ROR2: variants seen among roughly 807,000 people sequenced by gnomAD.
The protein encoded by ROR2 is ROR family WNT receptor 2.
ROR2 carries 33 observed loss-of-function variants against 74.9 expected under a neutral mutation model. The observed-to-expected ratio is 0.44, with a 90% CI of 0.33 to 0.59. The LOEUF (loss-of-function observed/expected upper bound fraction) is 0.59. ROR2 is among the 20% of genes least tolerant of loss of function. The probability of loss-of-function intolerance (pLI) is 0.02; values close to 1 mark genes in which losing one functional copy is unlikely to be tolerated. For missense variants in ROR2, 1,216 were observed against 1,313.8 expected, an observed-to-expected ratio of 0.93 and a Z score of 1.15; for synonymous variants, 586 against 558.7, an observed-to-expected ratio of 1.05 and a Z score of -0.69.
intron 1 of ROR2, among the ~76,000 whole-genome samples, chr9:91,864,402 G>A (rs933486917): frequency 5.9e-5 from 9 of 152,260 alleles, no homozygotes; most frequent in Non-Finnish European, 7.4e-5. Flanking sequence ...CCAGGAACAC[G>A]AGCCATGGAC....
chr9:91,936,358 T>C (rs1307459086), intron 1 of ROR2, among the ~76,000 whole-genome samples: 1 of 152,176 alleles, frequency 6.6e-6, no homozygotes, highest in Non-Finnish European at 1.5e-5. Flanking sequence ...CGGCTGTCCA[T>C]AAGCCGAGTG....
In ROR2 at chr9:91,735,606, C is replaced by CTT. The variant is rs35146225; in HGVS notation, c.622+1783_622+1784dup. Reference sequence around the variant, plus strand: ...GCACGGTTCCTACTAAGGGCTCTAACTTTTTTTTTTTTTTTTTTTTTTTTT... The same window carrying CTT: ...GCACGGTTCCTACTAAGGGCTCTAACTTTTTTTTTTTTTTTTTTTTTTTTTTT... On this transcript the variant is annotated intron_variant, in intron 5 of 8. Coordinates refer to ENST00000375708, the MANE Select transcript of ROR2 (RefSeq NM_004560.4). Among the ~76,000 whole-genome samples, 75 of 79,004 alleles carry CTT rather than the reference C, an allele frequency of 9.5e-4. 7 individuals are homozygous for CTT. Among genetic ancestry groups the CTT allele is most frequent in the East Asian group, 4.0e-3 (8 of 2,002 alleles). The allele number at this position is 79,004 out of a possible 152,430, so 51.8% of individuals were successfully genotyped here. A position where few individuals can be genotyped will look rare whatever the true frequency, so the allele number is the denominator to read the frequency against.
chr9:91,836,074 T>C (rs563420062), intron 1 of ROR2, among the ~76,000 whole-genome samples: 13 of 152,314 alleles, frequency 8.5e-5, no homozygotes, highest in African/African-American at 2.9e-4. Context: ...TGGTTTCACC[T>C]ATTTTAAAAA....
intron 1 of ROR2, among the ~76,000 whole-genome samples, chr9:91,944,093 A>T (rs1831949734): frequency 6.6e-6 from 1 of 152,208 alleles, no homozygotes; most frequent in Admixed American, 6.5e-5. Flanking sequence ...CAATTTCATC[A>T]TCATATGAAC....
chr9:91,792,402 G>A (rs993725989), intron 1 of ROR2, among the ~76,000 whole-genome samples: 12 of 151,230 alleles, frequency 7.9e-5, no homozygotes, highest in East Asian at 1.9e-4. Flanking sequence ...CCCGCCTCCC[G>A]GGTTCACACC....
At chr9:91,789,079 G>A (rs1287879541) in intron 1 of ROR2, among the ~76,000 whole-genome samples, 2 of 152,188 alleles carry the variant, frequency 1.3e-5, no homozygotes, top group East Asian at 1.9e-4. Flanking sequence ...TATACTTCAC[G>A]ATAGCTAGAA....
intron 1 of ROR2, among the ~76,000 whole-genome samples, chr9:91,873,351 GCTGAGGCGGGTGGATCAC>G (rs1332517543): frequency 6.6e-6 from 1 of 152,192 alleles, no homozygotes; most frequent in Non-Finnish European, 1.5e-5. Flanking sequence ...ACTTTGGGAG[GCTGAGGCGGGTGGATCAC>G]CTGAGGTCAG....
intron 1 of ROR2, among the ~76,000 whole-genome samples, chr9:91,858,493 C>T (rs556487566): frequency 6.6e-6 from 1 of 152,320 alleles, no homozygotes; most frequent in South Asian, 2.1e-4. Context: ...GCTGCAGCCC[C>T]AAGGAAGTCC....
At chr9:91,806,165 G>A (rs1170654371) in intron 1 of ROR2, among the ~76,000 whole-genome samples, 4 of 152,214 alleles carry the variant, frequency 2.6e-5, no homozygotes, top group African/African-American at 7.2e-5. Context: ...CAGTGCACCT[G>A]AGCCACTCTA....
In ROR2 at chr9:91,901,257, G is replaced by A. The variant is rs557528077; in HGVS notation, c.97+48610C>T. ...AGTATAAGTTAGACTATCTCCAACT[G>A]TACCCATGGGAAATGCAAATCTGCA... is the stretch of plus-strand genomic sequence containing the variant. On this transcript the variant is annotated intron_variant, in intron 1 of 8. Coordinates refer to ENST00000375708, the MANE Select transcript of ROR2 (RefSeq NM_004560.4). Among the ~76,000 whole-genome samples the A allele has an allele frequency of 2.0e-5, 3 of 152,282 alleles. No individual in the cohort carries two copies. In the South Asian group the frequency reaches 6.2e-4, roughly 32 times the overall value.
At chr9:91,761,361 A>G (rs1220820689) in intron 2 of ROR2, among the ~76,000 whole-genome samples, 1 of 152,102 alleles carries the variant, frequency 6.6e-6, no homozygotes, top group Non-Finnish European at 1.5e-5. Flanking sequence ...TATACAACTC[A>G]CCATAATGTG....
rs1211940137 is a variant in ROR2, at chr9:91,733,825, G to A, written c.623-389C>T. 5.9e-5 allele frequency among the ~76,000 whole-genome samples: 9 copies of A among 152,292 alleles called. No individual in the cohort carries two copies. Among genetic ancestry groups the A allele is most frequent in the Admixed American group, 2.6e-4 (4 of 15,302 alleles). ...TAAGGACCCGCCATGTGTGGAGAGC[G>A]CAGGCCAAGAAGTGCAGTACCGAGC... is the stretch of plus-strand genomic sequence containing the variant. On this transcript the variant is annotated intron_variant, in intron 5 of 8. Transcript: ENST00000375708. This position sits in a 1 kb window ranked among gnomAD's most constrained non-coding sequence, Gnocchi z 5.7.
intron 1 of ROR2, among the ~76,000 whole-genome samples, chr9:91,834,524 G>A (rs1320589059): frequency 6.6e-6 from 1 of 152,184 alleles, no homozygotes; most frequent in Non-Finnish European, 1.5e-5. Flanking sequence ...GCATGGAATA[G>A]CTGGGACAAA....
At position 91,733,225 on chromosome 9, in the gene ROR2, G is replaced by A; in HGVS notation, c.834C>T (p.Leu278=). The A allele has an allele frequency of 1.2e-6, 2 of 1,612,696 alleles. No individual in the cohort carries two copies. The highest frequency in any genetic ancestry group is 8.5e-7 in the Non-Finnish European group (1 of 1,179,716). Residue 278 remains leucine (L), a synonymous_variant, in exon 6 of 9, where the codon CTC becomes CTT. Transcript: ENST00000375708. This position sits in a 1 kb window ranked among gnomAD's most constrained non-coding sequence, Gnocchi z 5.7. ...YTIARSNPLI[L]MRLQLPKCEA... is the part of the protein sequence containing the mutation. ...CACACTTGGGCAGCTGAAGCCGCAT[G>A]AGGATGAGCGGGTTGGAGCGGGCGA...
intron 1 of ROR2, among the ~76,000 whole-genome samples, chr9:91,934,285 A>G (rs1831625534): frequency 6.6e-6 from 1 of 152,246 alleles, no homozygotes; most frequent in Non-Finnish European, 1.5e-5. Context: ...AAAGCAGTCC[A>G]GTGAAAACTT....
chr9:91,790,072 T>C (rs796451479), intron 1 of ROR2, among the ~76,000 whole-genome samples: 7 of 152,320 alleles, frequency 4.6e-5, no homozygotes, highest in African/African-American at 1.4e-4. Flanking sequence ...AAGAACCACA[T>C]ATAAAACAGT....
At chr9:91,751,923 T>C (rs2118818095) in intron 4 of ROR2, among the ~76,000 whole-genome samples, 1 of 152,324 alleles carries the variant, frequency 6.6e-6, no homozygotes, top group Non-Finnish European at 1.5e-5. Context: ...CCTAAATGCG[T>C]GGTGGAAGCA....
chr9:91,893,270 G>A (rs975492874), intron 1 of ROR2, among the ~76,000 whole-genome samples: 1 of 152,000 alleles, frequency 6.6e-6, no homozygotes, highest in Admixed American at 6.5e-5. Context: ...GCCAAGACAG[G>A]AGAATCTAAA....
intron 2 of ROR2, among the ~76,000 whole-genome samples, chr9:91,774,352 T>C (rs535918974): frequency 6.6e-6 from 1 of 152,232 alleles, no homozygotes; most frequent in South Asian, 2.1e-4. Context: ...ACTCTGTAGA[T>C]TGGACAGAAA....
Sources: allele counts gnomAD v4.1 joint callset (sites outside exome capture counted in the v4.1 genomes callset), GRCh38; gene constraint gnomAD v4.1.1; non-coding constraint Gnocchi (gnomAD v3.1); transcripts MANE v1.5; gene names NCBI Gene and HGNC (gene_info 2026-07-23, HGNC 2026-07-21).